ARSJ: variants seen among roughly 807,000 people sequenced by gnomAD.
ARSJ encodes arylsulfatase J.
In ARSJ, 26 loss-of-function variants were observed where a neutral mutation model predicts 35.9. The ratio of observed to expected loss-of-function variants is 0.72; its 90% CI spans 0.53 to 1.00. The LOEUF is 1.00. Among genes scored for constraint, ARSJ ranks in the 50% least tolerant of loss-of-function variants. The pLI, the probability that ARSJ is intolerant of heterozygous loss-of-function variation, is 0.00. For synonymous variants in ARSJ, 294 were observed against 267.6 expected (o/e 1.10, Z -0.96); for missense variants, 667 against 723.6 (o/e 0.92, Z 0.90).
chr4:113,965,026 C>G (rs988580336), intron 1 of ARSJ, among the ~76,000 whole-genome samples: 1 of 152,072 alleles, frequency 6.6e-6, no homozygotes, highest in African/African-American at 2.4e-5. Context: ...CTTCAAAACA[C>G]TGTAACAAAA....
rs201123448 is a variant in ARSJ at position 113,903,100 on chromosome 4, G to A, written c.974C>T (p.Ser325Phe). ...GFYNNSIIIY[S>F]SDNGGQPTAG... The stretch of plus-strand genomic sequence containing the variant: ...CGTAGGCTGGCCACCATTATCTGAA[G>A]AGTAAATGATAATGCTGTTGTTATA... The change falls in exon 2 of 2, where the codon TCT becomes TTT. Residue 325 changes from serine to phenylalanine, a missense_variant. Physicochemically the swap from Ser to Phe is radical, Grantham distance 155. Transcript: ENST00000315366. The A allele has an allele frequency of 2.8e-4, 445 of 1,614,070 alleles. 2 individuals carry two copies. Among genetic ancestry groups the A allele is most frequent in the Non-Finnish European group, 4.7e-5 (56 of 1,180,036 alleles).
chr4:113,907,875 A>C (rs1379831031), intron 1 of ARSJ, among the ~76,000 whole-genome samples: 2 of 152,150 alleles, frequency 1.3e-5, no homozygotes, highest in African/African-American at 4.8e-5. Context: ...CTTATAAGTG[A>C]GTGCTAAACT....
rs575616681 is a variant in ARSJ, at chr4:113,957,762, C to G, written c.398+20675G>C. 1.3e-4 allele frequency among the ~76,000 whole-genome samples: 20 copies of G among 152,132 alleles called. No individual in the cohort carries two copies. The South Asian group carries it at 4.1e-3, about 32-fold the overall frequency. ...AGACTCCAAATTGCTTATGTAGGAA[C>G]AAACTTAAAAGTGAGACAGAATTTC... is the stretch of plus-strand genomic sequence containing the variant. On this transcript the variant is annotated intron_variant, in intron 1 of 1. Coordinates refer to ENST00000315366, the MANE Select transcript of ARSJ (RefSeq NM_024590.4).
chr4:113,969,352 G>A (rs957008809), intron 1 of ARSJ, among the ~76,000 whole-genome samples: 1 of 138,098 alleles, frequency 7.2e-6, no homozygotes, highest in South Asian at 2.3e-4. Context: ...AACACATGGG[G>A]TTTAATTTTA....
chr4:113,967,018 G>A (rs945693288), intron 1 of ARSJ, among the ~76,000 whole-genome samples: 1 of 152,196 alleles, frequency 6.6e-6, no homozygotes, highest in Non-Finnish European at 1.5e-5. Context: ...TTTCTGGCAT[G>A]TCTCCCTACG....
In ARSJ at chr4:113,901,505, TA is replaced by T. The variant is rs1400859019; in HGVS notation, c.*768del. On this transcript the variant is annotated 3_prime_UTR_variant, in exon 2 of 2. Coordinates refer to ENST00000315366, the MANE Select transcript of ARSJ (RefSeq NM_024590.4). ...ATAAAGTCATTTGCATAACTTTTTA[TA>T]AAAACAACAAAATATTTTTCTGTAA... The T allele has an allele frequency of 6.6e-6, 1 of 152,640 alleles. No homozygotes were observed. The highest frequency in any genetic ancestry group is 2.4e-5 in the African/African-American group (1 of 41,536). The allele number at this position is 152,640 out of a possible 1,614,324, so 9.5% of individuals were successfully genotyped here.
chr4:113,930,429 A>C (rs9990946), intron 1 of ARSJ, among the ~76,000 whole-genome samples: 152,164 of 152,166 alleles, frequency 1, 76,081 homozygotes, highest in Non-Finnish European at 1. Flanking sequence ...GGTGGGTTGG[A>C]CGACTCAAAT....
intron 1 of ARSJ, among the ~76,000 whole-genome samples, chr4:113,918,073 G>A (rs1240266407): frequency 1.3e-5 from 2 of 152,158 alleles, no homozygotes; most frequent in Non-Finnish European, 2.9e-5. Flanking sequence ...CCTAACCAAT[G>A]AGTAATAAGA....
chr4:113,962,496 T>TG (rs1462818920), intron 1 of ARSJ, among the ~76,000 whole-genome samples: 3 of 151,724 alleles, frequency 2.0e-5, no homozygotes, highest in Non-Finnish European at 4.4e-5. Flanking sequence ...TTTTTTTTTT[T>TG]TTTCTAATAG....
chr4:113,929,632 A>T (rs1256387684), intron 1 of ARSJ, among the ~76,000 whole-genome samples: 1 of 152,038 alleles, frequency 6.6e-6, no homozygotes, highest in Non-Finnish European at 1.5e-5. Flanking sequence ...CTGTGCAGGC[A>T]CCTTTTTTGG....
At chr4:113,928,125 T>C (rs577255619) in intron 1 of ARSJ, among the ~76,000 whole-genome samples, 3 of 152,300 alleles carry the variant, frequency 2.0e-5, no homozygotes, top group African/African-American at 7.2e-5. Flanking sequence ...CATAAGCCCC[T>C]ACTTTAACTG....
chr4:113,928,358 A>T (rs897852231), intron 1 of ARSJ, among the ~76,000 whole-genome samples: 1 of 152,118 alleles, frequency 6.6e-6, no homozygotes, highest in Non-Finnish European at 1.5e-5. Context: ...CCCTTCATTC[A>T]AGGGGTTTGG....
At chr4:113,966,842 G>A (rs575430760) in intron 1 of ARSJ, among the ~76,000 whole-genome samples, 8 of 152,152 alleles carry the variant, frequency 5.3e-5, no homozygotes, top group Non-Finnish European at 1.2e-4. Flanking sequence ...TTTGGGCTTT[G>A]TGCACGGAAC....
At chr4:113,947,412 G>A (rs576784324) in intron 1 of ARSJ, among the ~76,000 whole-genome samples, 3 of 151,868 alleles carry the variant, frequency 2.0e-5, no homozygotes, top group African/African-American at 7.3e-5. Flanking sequence ...TTTGGCAGTT[G>A]GAGGTTGCAG....
chr4:113,934,176 A>T (rs545408420), intron 1 of ARSJ, among the ~76,000 whole-genome samples: 47 of 151,990 alleles, frequency 3.1e-4, no homozygotes, highest in African/African-American at 1.1e-3. Flanking sequence ...TAGTATAGCC[A>T]CTATGGAAAA....
intron 1 of ARSJ, among the ~76,000 whole-genome samples, chr4:113,963,879 A>G (rs1323710858): frequency 2.6e-5 from 4 of 152,124 alleles, no homozygotes; most frequent in African/African-American, 9.6e-5. Flanking sequence ...TATGTAATTA[A>G]GAAATAATCA....
intron 1 of ARSJ, among the ~76,000 whole-genome samples, chr4:113,939,071 C>G (rs1045949005): frequency 2.5e-4 from 34 of 138,710 alleles, no homozygotes; most frequent in Non-Finnish European, 3.6e-4. Context: ...CCTCCCCCAC[C>G]CCACAACAGA....
chr4:113,959,391 T>C (rs1286876463), intron 1 of ARSJ, among the ~76,000 whole-genome samples: 1 of 152,002 alleles, frequency 6.6e-6, no homozygotes, highest in East Asian at 1.9e-4. Flanking sequence ...TAATGAGTCA[T>C]CTGGCCAAAC....
chr4:113,920,842 A>G lies in ARSJ; in HGVS notation c.399-17167T>C, dbSNP rs147104079. On this transcript the variant is annotated intron_variant, in intron 1 of 1. Transcript: ENST00000315366. ...GAAGTTTTAGAAGTTTTAAGTATCA[A>G]TGAGGCCCAGGAAACCAGAAATGTC... Among the ~76,000 whole-genome samples, 800 of 152,232 alleles carry G rather than the reference A, an allele frequency of 5.3e-3. 9 individuals are homozygous for G. The highest frequency in any genetic ancestry group is 0.017 in the African/African-American group (721 of 41,562).
Sources: gnomAD v4.1 joint callset for allele counts (sites outside exome capture counted in the v4.1 genomes callset) on GRCh38, gnomAD v4.1.1 for gene constraint, MANE v1.5 for transcripts, NCBI Gene and HGNC (gene_info 2026-07-23, HGNC 2026-07-21) for gene names.